GRK3: variants seen among roughly 807,000 people sequenced by gnomAD.
The protein encoded by GRK3 is G protein-coupled receptor kinase 3, also known as adrenergic, beta, receptor kinase 2.
Under a neutral mutation model 95.7 loss-of-function variants are expected in GRK3, and 54 were observed. The ratio of observed to expected loss-of-function variants is 0.56; its 90% CI spans 0.45 to 0.71. GRK3 has a LOEUF of 0.71. Among genes scored for constraint, GRK3 ranks in the 30% least tolerant of loss-of-function variants. The pLI, the probability that GRK3 is intolerant of heterozygous loss-of-function variation, is 0.00. For synonymous variants in GRK3, 281 were observed against 290.8 expected (o/e 0.97, Z 0.34); for missense variants, 649 against 851.2 (o/e 0.76, Z 2.96).
chr22:25,658,605 C>T (rs1442962918), intron 3 of GRK3, among the ~76,000 whole-genome samples: 1 of 152,148 alleles, frequency 6.6e-6, no homozygotes, highest in Non-Finnish European at 1.5e-5. Context: ...CTCTTCAGTG[C>T]TTATTGTCTA....
intron 2 of GRK3, among the ~76,000 whole-genome samples, chr22:25,607,225 G>A (rs1267020198): frequency 1.3e-5 from 2 of 152,032 alleles, no homozygotes; most frequent in East Asian, 3.8e-4. Flanking sequence ...TGTGCTATAT[G>A]CATCTCTAAA....
intron 3 of GRK3, among the ~76,000 whole-genome samples, chr22:25,654,869 C>T (rs945146600): frequency 1.6e-4 from 25 of 152,148 alleles, no homozygotes; most frequent in Non-Finnish European, 3.7e-4. Flanking sequence ...CACCTCTCTT[C>T]TGGCTTGGCA....
At chr22:25,695,768 T>A (rs2085202817) in intron 13 of GRK3, among the ~76,000 whole-genome samples, 1 of 151,904 alleles carries the variant, frequency 6.6e-6, no homozygotes, top group Non-Finnish European at 1.5e-5. Context: ...GCTCAAGCAA[T>A]CCTTCCACCT....
At chr22:25,578,491 ATG>A (rs1931988315) in intron 1 of GRK3, among the ~76,000 whole-genome samples, 1 of 152,192 alleles carries the variant, frequency 6.6e-6, no homozygotes, top group African/African-American at 2.4e-5. Flanking sequence ...TGAACATGTT[ATG>A]TTATATGACA....
At chr22:25,609,373 C>T (rs1160945904) in intron 2 of GRK3, among the ~76,000 whole-genome samples, 5 of 151,732 alleles carry the variant, frequency 3.3e-5, no homozygotes, top group Admixed American at 3.3e-4. Context: ...GCCCTGTTGC[C>T]CAGGCTGGAG....
chr22:25,566,249 T>G (rs1383419538), intron 1 of GRK3, among the ~76,000 whole-genome samples: 2 of 152,222 alleles, frequency 1.3e-5, no homozygotes, highest in Non-Finnish European at 2.9e-5. Flanking sequence ...TTATGGTGAA[T>G]TTGAAACCAT....
chr22:25,583,357 C>CTTTT (rs113355685), intron 1 of GRK3, among the ~76,000 whole-genome samples: 2 of 135,574 alleles, frequency 1.5e-5, no homozygotes, highest in African/African-American at 2.8e-5. Context: ...TTTCTGTGTA[C>CTTTT]TTTTTTTTTT....
rs570461870 is a variant in GRK3, at chr22:25,621,086, T to C, written c.190+16633T>C. Among the ~76,000 whole-genome samples, 67 of 152,382 alleles carry C rather than the reference T, an allele frequency of 4.4e-4. 1 individual carries two copies. In the South Asian group the frequency reaches 7.4e-3, roughly 17 times the overall value. ...CATGTTTCATTTAAAAGTGCGTCAC[T>C]AGACCCAATAAAAAGTCCTAGCAGA... On this transcript the variant is annotated intron_variant, in intron 2 of 20. Coordinates refer to ENST00000324198, the MANE Select transcript of GRK3 (RefSeq NM_005160.4).
intron 1 of GRK3, among the ~76,000 whole-genome samples, chr22:25,575,005 GA>G (rs2146313532): frequency 6.6e-6 from 1 of 152,304 alleles, no homozygotes; most frequent in South Asian, 2.1e-4. Context: ...CAATGAATGA[GA>G]GGACACGTAT....
chr22:25,621,886 T>C (rs112523265), intron 2 of GRK3, among the ~76,000 whole-genome samples: 2,896 of 152,248 alleles, frequency 0.019, 44 homozygotes, highest in Non-Finnish European at 0.028. Context: ...GCAGAGACTA[T>C]AGACAAGGTA....
chr22:25,647,504 T>C (rs567454464), intron 3 of GRK3: 12 of 1,438,728 alleles, frequency 8.3e-6, no homozygotes, highest in Admixed American at 6.7e-5. Flanking sequence ...TTCTCAGTGG[T>C]GCCAAGTTCA....
intron 9 of GRK3, among the ~76,000 whole-genome samples, chr22:25,680,795 A>G (rs2085067934): frequency 6.6e-6 from 1 of 152,214 alleles, no homozygotes; most frequent in African/African-American, 2.4e-5. Context: ...GTTTTTGCTA[A>G]TCAGGGGATA....
intron 18 of GRK3, 135 bp from the exon 19 acceptor site, chr22:25,718,110 G>A: frequency 1.1e-6 from 1 of 932,820 alleles, no homozygotes; most frequent in Non-Finnish European, 1.6e-6. Flanking sequence ...CTAAAATCGT[G>A]ACTTCTGTAA....
At chr22:25,715,525 C>T (rs1417712047) in intron 18 of GRK3, among the ~76,000 whole-genome samples, 1 of 151,952 alleles carries the variant, frequency 6.6e-6, no homozygotes, top group Non-Finnish European at 1.5e-5. Flanking sequence ...AAAAAAATTG[C>T]CAAACTGTAT....
chr22:25,610,617 C>T (rs2084489293), intron 2 of GRK3, among the ~76,000 whole-genome samples: 1 of 152,220 alleles, frequency 6.6e-6, no homozygotes, highest in South Asian at 2.1e-4. Context: ...ATCCCTCCTG[C>T]CCATTTGTCG....
intron 13 of GRK3, among the ~76,000 whole-genome samples, chr22:25,701,121 C>G (rs2085255850): frequency 6.6e-6 from 1 of 152,116 alleles, no homozygotes; most frequent in Non-Finnish European, 1.5e-5. Context: ...AATTCTTTTC[C>G]CACAACGCTC....
chr22:25,583,396 T>A (rs1177358535), intron 1 of GRK3, among the ~76,000 whole-genome samples: 1 of 150,932 alleles, frequency 6.6e-6, no homozygotes, highest in African/African-American at 2.5e-5. Flanking sequence ...TCATCCATTG[T>A]CTGTTCCATT....
intron 3 of GRK3, among the ~76,000 whole-genome samples, 195 bp from the exon 4 acceptor site, chr22:25,661,381 A>G (rs533070368): frequency 6.6e-6 from 1 of 152,314 alleles, no homozygotes; most frequent in East Asian, 1.9e-4. Context: ...ATCCACTTGT[A>G]TGTTTCTAGT....
chr22:25,565,206 C>T, intron 1 of GRK3, 53 bp downstream of exon 1: 1 of 952,330 alleles, frequency 1.1e-6, no homozygotes, highest in Non-Finnish European at 1.5e-6. Context: ...CCTGCGGCCG[C>T]CAGCTACCCC....
Sources: gnomAD v4.1 joint callset for allele counts (sites outside exome capture counted in the v4.1 genomes callset) on GRCh38, gnomAD v4.1.1 for gene constraint, MANE v1.5 for transcripts, NCBI Gene and HGNC (gene_info 2026-07-23, HGNC 2026-07-21) for gene names.